The following SCHIP1 variants were observed in gnomAD, a reference collection of about 807,000 sequenced individuals.
The protein encoded by SCHIP1 is schwannomin-interacting protein 1.
In SCHIP1, 8 loss-of-function variants were observed where a neutral mutation model predicts 29.7. That is an observed-to-expected ratio of 0.27 (90% CI 0.16 to 0.49). The LOEUF (loss-of-function observed/expected upper bound fraction) is 0.49, where lower values mean the gene tolerates loss of function less well. SCHIP1 is among the 20% of genes least tolerant of loss of function. The pLI, the probability that SCHIP1 is intolerant of heterozygous loss-of-function variation, is 0.99. For missense variants in SCHIP1, 193 were observed against 294.6 expected (o/e 0.66, Z 2.52); for synonymous variants, 76 against 94.9 (o/e 0.80, Z 1.16).
At chr3:159,758,785 C>T in the SCHIP1 span, among the ~76,000 whole-genome samples, 1 of 152,222 alleles carries the variant, frequency 6.6e-6, no homozygotes, top group Admixed American at 6.5e-5. Context: ...AGTTCACAAT[C>T]CTGGCACTAT....
the SCHIP1 span, among the ~76,000 whole-genome samples, chr3:159,678,919 C>T: frequency 2.0e-5 from 3 of 152,152 alleles, no homozygotes; most frequent in Non-Finnish European, 2.9e-5. Flanking sequence ...TAGAGAATAT[C>T]GCCCTTTGAT....
the SCHIP1 span, among the ~76,000 whole-genome samples, chr3:159,473,674 G>GAAAAAAAAAAAACAAAA: frequency 1.2e-5 from 1 of 81,446 alleles, no homozygotes; most frequent in Non-Finnish European, 2.4e-5. Context: ...ATGTAACTAC[G>GAAAAAAAAAAAACAAAA]AAAAAAAAAA....
the SCHIP1 span, among the ~76,000 whole-genome samples, chr3:159,425,217 A>G: frequency 8.5e-5 from 13 of 152,230 alleles, no homozygotes; most frequent in African/African-American, 3.1e-4. Flanking sequence ...TAAATGGCCT[A>G]AATGCTCCAA....
At chr3:159,599,918 T>C in the SCHIP1 span, among the ~76,000 whole-genome samples, 6 of 152,310 alleles carry the variant, frequency 3.9e-5, no homozygotes, top group South Asian at 6.2e-4. Context: ...TGGTAACAAA[T>C]TTCCTTAGCA....
the SCHIP1 span, among the ~76,000 whole-genome samples, chr3:159,304,498 T>C: frequency 6.6e-6 from 1 of 152,210 alleles, no homozygotes; most frequent in South Asian, 2.1e-4. Context: ...CAGGCTTATA[T>C]TTTTCCCACA....
At chr3:159,328,376 G>T in the SCHIP1 span, among the ~76,000 whole-genome samples, 1 of 152,180 alleles carries the variant, frequency 6.6e-6, no homozygotes, top group African/African-American at 2.4e-5. Flanking sequence ...AAGAAAGTTA[G>T]TGGGGCTGTG....
the SCHIP1 span, among the ~76,000 whole-genome samples, chr3:159,584,374 T>G: frequency 6.6e-6 from 1 of 152,200 alleles, no homozygotes; most frequent in African/African-American, 2.4e-5. Context: ...AGGTTTCTAG[T>G]GCTATTTAAC....
the SCHIP1 span, among the ~76,000 whole-genome samples, chr3:159,370,200 A>T: frequency 6.6e-6 from 1 of 152,134 alleles, no homozygotes; most frequent in Non-Finnish European, 1.5e-5. Context: ...GAGGCTGTAG[A>T]TCTGGCTTCC....
the SCHIP1 span, among the ~76,000 whole-genome samples, chr3:159,620,444 T>C: frequency 6.6e-6 from 1 of 152,338 alleles, no homozygotes; most frequent in East Asian, 1.9e-4. Flanking sequence ...AGCTATGACA[T>C]GCATAAAGCC....
chr3:159,577,325 C>T, the SCHIP1 span, among the ~76,000 whole-genome samples: 29,914 of 152,110 alleles, frequency 0.2, 4,128 homozygotes, highest in African/African-American at 0.39. Context: ...TGTGCTTTAT[C>T]TTGCACAGTT....
the SCHIP1 span, among the ~76,000 whole-genome samples, chr3:159,579,280 A>G: frequency 2.6e-5 from 4 of 152,148 alleles, no homozygotes; most frequent in Non-Finnish European, 5.9e-5. Context: ...ATGGCCCTCA[A>G]TTCCTTCTAT....
At chr3:159,313,366 C>A in the SCHIP1 span, among the ~76,000 whole-genome samples, 26 of 152,284 alleles carry the variant, frequency 1.7e-4, no homozygotes, top group African/African-American at 6.3e-4. Context: ...GTTTGTTTTT[C>A]TGTTTAGTGC....
chr3:159,436,290 A>G, the SCHIP1 span, among the ~76,000 whole-genome samples: 8 of 152,186 alleles, frequency 5.3e-5, no homozygotes, highest in African/African-American at 1.9e-4. Flanking sequence ...AGTCAAGCAG[A>G]GCTGGGCTTG....
the SCHIP1 span, among the ~76,000 whole-genome samples, chr3:159,778,061 T>G: frequency 6.6e-6 from 1 of 152,094 alleles, no homozygotes; most frequent in Non-Finnish European, 1.5e-5. Context: ...CTTGGCTCAC[T>G]GCACCCGCCT....
intron 1 of SCHIP1, among the ~76,000 whole-genome samples, chr3:159,842,037 C>T (rs1332359011): frequency 4.6e-5 from 7 of 152,298 alleles, no homozygotes; most frequent in African/African-American, 1.4e-4. Flanking sequence ...CCACATGCAA[C>T]TAGATTCAGA....
At chr3:159,424,970 A>C in the SCHIP1 span, among the ~76,000 whole-genome samples, 2 of 152,030 alleles carry the variant, frequency 1.3e-5, no homozygotes, top group East Asian at 3.9e-4. Flanking sequence ...GAAATAAAAT[A>C]CTTTACAGAC....
chr3:159,499,463 G>A, the SCHIP1 span, among the ~76,000 whole-genome samples: 3 of 152,138 alleles, frequency 2.0e-5, no homozygotes, highest in Non-Finnish European at 4.4e-5. Context: ...GTAGTCATAC[G>A]GATCCACATT....
At chr3:159,380,167 T>G in the SCHIP1 span, among the ~76,000 whole-genome samples, 2 of 152,170 alleles carry the variant, frequency 1.3e-5, no homozygotes, top group Non-Finnish European at 2.9e-5. Flanking sequence ...TGAAGTTCTT[T>G]CATTGAAAAA....
chr3:159,719,619 C>T, the SCHIP1 span, among the ~76,000 whole-genome samples: 1 of 152,176 alleles, frequency 6.6e-6, no homozygotes. Flanking sequence ...ATGCAGCCAA[C>T]AGACACATGA....
Sources: allele counts gnomAD v4.1 joint callset (sites outside exome capture counted in the v4.1 genomes callset), GRCh38; gene constraint gnomAD v4.1.1; transcripts MANE v1.5; gene names NCBI Gene and HGNC (gene_info 2026-07-23, HGNC 2026-07-21).